MOGAT1: variants seen among roughly 807,000 people sequenced by gnomAD.
The protein encoded by MOGAT1 is monoacylglycerol O-acyltransferase 1, also known as 2-acylglycerol O-acyltransferase 1.
In MOGAT1, 32 loss-of-function variants were observed where a neutral mutation model predicts 31.4. The ratio of observed to expected loss-of-function variants is 1.02; its 90% CI spans 0.77 to 1.37. The LOEUF (loss-of-function observed/expected upper bound fraction) is 1.37. Ranked by LOEUF, MOGAT1 falls within the 40% of genes most tolerant of loss-of-function variation. The pLI is 0.00. For synonymous variants in MOGAT1, 145 were observed against 144.5 expected (o/e 1.00, Z -0.03); for missense variants, 426 against 402.0 (o/e 1.06, Z -0.51).
intron 5 of MOGAT1, among the ~76,000 whole-genome samples, chr2:222,703,437 C>A (rs1692958299): frequency 6.6e-6 from 1 of 151,530 alleles, no homozygotes; most frequent in East Asian, 1.9e-4. Context: ...TTTTTAGTGC[C>A]TTTAGCTCAA....
intron 1 of MOGAT1, among the ~76,000 whole-genome samples, chr2:222,684,216 C>T (rs934982251): frequency 2.0e-5 from 3 of 151,998 alleles, no homozygotes; most frequent in Non-Finnish European, 4.4e-5. Context: ...CCAGCCTGGC[C>T]ATCATGGTGA....
At position 222,709,736 on chromosome 2, in the gene MOGAT1, T is replaced by A. The variant is rs776843525; in HGVS notation, c.854T>A (p.Val285Asp). ...GTATGATGTATTCCCTGATTTGCAG[T>A]TGGCCGCCCGATCCCTGTTCGTCAG... ...MTYRKAIHTV[V>D]GRPIPVRQTL... The change falls in exon 6 of 6, where the codon GTT becomes GAT. Residue 285 changes from valine to aspartate, a missense_variant and splice_region_variant. Coordinates refer to ENST00000446656, the MANE Select transcript of MOGAT1 (RefSeq NM_058165.3). 26 of 1,611,968 alleles carry A rather than the reference T, an allele frequency of 1.6e-5. No individual in the cohort carries two copies. Among genetic ancestry groups the A allele is most frequent in the Non-Finnish European group, 1.9e-5 (22 of 1,179,216 alleles).
intron 5 of MOGAT1, among the ~76,000 whole-genome samples, chr2:222,704,132 T>A (rs571115015): frequency 3.0e-4 from 45 of 152,332 alleles, no homozygotes; most frequent in Non-Finnish European, 5.7e-4. Context: ...TTGGCAGCTT[T>A]TTTTCCAGGG....
chr2:222,683,760 A>G (rs1351429750), intron 1 of MOGAT1, among the ~76,000 whole-genome samples: 1 of 152,164 alleles, frequency 6.6e-6, no homozygotes, highest in Non-Finnish European at 1.5e-5. Flanking sequence ...AGCTTCCTCA[A>G]CAATCTGGAG....
intron 5 of MOGAT1, among the ~76,000 whole-genome samples, chr2:222,707,542 T>C (rs1363548151): frequency 1.3e-5 from 2 of 152,144 alleles, no homozygotes; most frequent in Non-Finnish European, 2.9e-5. Flanking sequence ...TTGTGCTTTT[T>C]GTGCAACTCC....
At chr2:222,676,179 G>A (rs1376769057) in intron 1 of MOGAT1, among the ~76,000 whole-genome samples, 1 of 149,692 alleles carries the variant, frequency 6.7e-6, no homozygotes, top group East Asian at 1.9e-4. Flanking sequence ...TACAGACGGG[G>A]TCTCTCTATG....
intron 1 of MOGAT1, among the ~76,000 whole-genome samples, chr2:222,679,948 G>A (rs1692553009): frequency 6.6e-6 from 1 of 152,148 alleles, no homozygotes; most frequent in Non-Finnish European, 1.5e-5. Flanking sequence ...CATGACAATA[G>A]CCAATCCACT....
At chr2:222,701,287 A>AGAG (rs1553562891) in intron 5 of MOGAT1, among the ~76,000 whole-genome samples, 41 of 134,582 alleles carry the variant, frequency 3.0e-4, no homozygotes, top group East Asian at 2.2e-3. Context: ...AGAGAGAGAG[A>AGAG]GAGGAGGAGG....
chr2:222,675,481 C>CTTT lies in MOGAT1; in HGVS notation c.94+3616_94+3618dup, dbSNP rs66486955. Among the ~76,000 whole-genome samples the CTTT allele has an allele frequency of 1.9e-4, 25 of 133,358 alleles. 1 individual carries two copies. The highest frequency in any genetic ancestry group is 3.0e-4 in the Non-Finnish European group (19 of 63,872). The allele number at this position is 133,358 out of a possible 152,430, so 87.5% of individuals were successfully genotyped here. A position where few individuals can be genotyped will look rare whatever the true frequency, so the allele number is the denominator to read the frequency against. ...ACTGCAAAATGGTAATTTTCTTTTTCTTTTTTTTTTTTTTTTGAGACGGAG... is the reference window on the plus strand; with the variant it reads ...ACTGCAAAATGGTAATTTTCTTTTTCTTTTTTTTTTTTTTTTTTTGAGACGGAG... On this transcript the variant is annotated intron_variant, in intron 1 of 5. Transcript: ENST00000446656.
At chr2:222,708,472 T>C (rs549786445) in intron 5 of MOGAT1, among the ~76,000 whole-genome samples, 17 of 152,332 alleles carry the variant, frequency 1.1e-4, no homozygotes, top group African/African-American at 3.8e-4. Context: ...CATGGGAATT[T>C]TTGTATTTTC....
rs115902980 is a variant in MOGAT1 at position 222,703,738 on chromosome 2, C to T, written c.854-5998C>T. Among the ~76,000 whole-genome samples the T allele has an allele frequency of 3.9e-3, 587 of 152,256 alleles. 2 individuals carry two copies. Among genetic ancestry groups the T allele is most frequent in the African/African-American group, 0.013 (548 of 41,544 alleles). On this transcript the variant is annotated intron_variant, in intron 5 of 5. Coordinates refer to ENST00000446656, the MANE Select transcript of MOGAT1 (RefSeq NM_058165.3). ...TGCCTGTTTTTTCTCTAATATACAG[C>T]TATGTAGCATGTTGGAGAGCAATTC...
At chr2:222,707,788 ATG>A (rs778656118) in intron 5 of MOGAT1, among the ~76,000 whole-genome samples, 10 of 152,276 alleles carry the variant, frequency 6.6e-5, no homozygotes, top group African/African-American at 1.2e-4. Flanking sequence ...GGATGTGTGT[ATG>A]TGTGTGTGTC....
intron 5 of MOGAT1, 47 bp from the exon 6 acceptor site, chr2:222,709,689 T>C: frequency 6.3e-7 from 1 of 1,580,950 alleles, no homozygotes; most frequent in Non-Finnish European, 8.6e-7. Flanking sequence ...CGGTCTGTGG[T>C]GGAGTGGTTT....
chr2:222,688,688 T>C (rs892060819), intron 2 of MOGAT1, among the ~76,000 whole-genome samples, 166 bp downstream of exon 2: 2 of 152,270 alleles, frequency 1.3e-5, no homozygotes, highest in Admixed American at 6.5e-5. Flanking sequence ...GAAAACAAAT[T>C]TTTTTCTCAC....
At chr2:222,678,633 G>C (rs953078727) in intron 1 of MOGAT1, among the ~76,000 whole-genome samples, 1 of 152,034 alleles carries the variant, frequency 6.6e-6, no homozygotes, top group East Asian at 1.9e-4. Context: ...GTTGGGTGTC[G>C]TATCTTTAAA....
chr2:222,697,864 C>T (rs1483057623), intron 5 of MOGAT1, among the ~76,000 whole-genome samples: 4 of 151,964 alleles, frequency 2.6e-5, no homozygotes, highest in South Asian at 2.1e-4. Flanking sequence ...CGTGAGCCAC[C>T]GCCTGTACAG....
In MOGAT1 at chr2:222,709,841, A is replaced by T. The variant is rs186415945; in HGVS notation, c.959A>T (p.His320Leu). Residue 320 changes from histidine to leucine, a missense_variant, in exon 6 of 6, where the codon CAC becomes CTC. Transcript: ENST00000446656. ...GAACTTAGGAAATTGTTTGAGGAAC[A>T]CAAAGGAAAGTATGGCATTCCAGAG... Reference protein sequence around the residue: ...MEELRKLFEEHKGKYGIPEHE... With the variant: ...MEELRKLFEELKGKYGIPEHE... 1.2e-4 allele frequency: 187 copies of T among 1,613,690 alleles called. 1 individual carries two copies. In the African/African-American group the frequency reaches 2.3e-3, roughly 20 times the overall value.
At chr2:222,697,312 T>A (rs571069532) in intron 5 of MOGAT1, among the ~76,000 whole-genome samples, 31 of 152,326 alleles carry the variant, frequency 2.0e-4, no homozygotes, top group African/African-American at 7.5e-4. Flanking sequence ...CCATTTAATA[T>A]GCAATCACAT....
chr2:222,688,595 T>C, intron 2 of MOGAT1, 73 bp downstream of exon 2: 2 of 1,053,654 alleles, frequency 1.9e-6, no homozygotes, highest in Middle Eastern at 2.6e-4. Context: ...ATCACATATA[T>C]CTCAAGCTTC....
Sources: gnomAD v4.1 joint callset for allele counts (sites outside exome capture counted in the v4.1 genomes callset) on GRCh38, gnomAD v4.1.1 for gene constraint, MANE v1.5 for transcripts, NCBI Gene and HGNC (gene_info 2026-07-23, HGNC 2026-07-21) for gene names.